The following LRMDA variants were observed in gnomAD, a reference collection of about 807,000 sequenced individuals.
The protein encoded by LRMDA is leucine-rich melanocyte differentiation-associated protein.
LRMDA carries 18 observed loss-of-function variants against 29.8 expected under a neutral mutation model. The ratio of observed to expected loss-of-function variants is 0.60; its 90% CI spans 0.42 to 0.90. The LOEUF (loss-of-function observed/expected upper bound fraction) is 0.90. Among genes scored for constraint, LRMDA ranks in the 40% least tolerant of loss-of-function variants. The probability of loss-of-function intolerance (pLI) is 0.00; values close to 1 mark genes in which losing one functional copy is unlikely to be tolerated. For missense variants in LRMDA, 273 were observed against 273.9 expected (o/e 1.00, Z 0.02); for synonymous variants, 125 against 109.4 (o/e 1.14, Z -0.89).
chr10:76,421,173 G>T (rs1842068360), intron 6 of LRMDA, among the ~76,000 whole-genome samples: 1 of 152,016 alleles, frequency 6.6e-6, no homozygotes, highest in Non-Finnish European at 1.5e-5. Flanking sequence ...GTCCCCTATA[G>T]TTCTGTTGAT....
In LRMDA at chr10:75,968,080, G is replaced by T. The variant is rs868769250; in HGVS notation, c.132-67928G>T. Among the ~76,000 whole-genome samples, 15 of 152,132 alleles carry T rather than the reference G, an allele frequency of 9.9e-5. No individual in the cohort carries two copies. The Middle Eastern group carries it at 0.01, about 103-fold the overall frequency. ...CTAAAAATTTTCTGATGGTGGTGAG[G>T]GAGGGGGCTTGTTGGCTCTGCAGTG... On this transcript the variant is annotated intron_variant, in intron 2 of 6. Coordinates refer to ENST00000611255, the MANE Select transcript of LRMDA (RefSeq NM_001305581.2).
chr10:75,940,752 G>T (rs1846376165), intron 2 of LRMDA, among the ~76,000 whole-genome samples: 2 of 152,006 alleles, frequency 1.3e-5, no homozygotes, highest in South Asian at 2.1e-4. Context: ...ACAGAGAAAA[G>T]CTAGGGAAAT....
intron 2 of LRMDA, among the ~76,000 whole-genome samples, chr10:76,005,004 G>A (rs1847625594): frequency 6.6e-6 from 1 of 152,120 alleles, no homozygotes; most frequent in Admixed American, 6.5e-5. Flanking sequence ...TGGGATTACA[G>A]GTGTGAGCCA....
intron 2 of LRMDA, among the ~76,000 whole-genome samples, chr10:75,569,571 A>T (rs145857861): frequency 7.4e-4 from 113 of 152,352 alleles, no homozygotes; most frequent in African/African-American, 2.6e-3. Context: ...ATTTACAGTG[A>T]TATAAAGACA....
rs557897337 is a variant in LRMDA at position 75,466,586 on chromosome 10, A to G, written c.131+28092A>G. 1.2e-4 allele frequency among the ~76,000 whole-genome samples: 19 copies of G among 152,306 alleles called. 1 individual carries two copies. Among genetic ancestry groups the G allele is most frequent in the Middle Eastern group, 3.4e-3 (1 of 294 alleles). On this transcript the variant is annotated intron_variant, in intron 2 of 6. Coordinates refer to ENST00000611255, the MANE Select transcript of LRMDA (RefSeq NM_001305581.2). The stretch of plus-strand genomic sequence containing the variant: ...CCATCTCGAGCTACCCTGGCCAGCT[A>G]TGCAGCCAGCAGAGATTGATAAAAA...
chr10:75,554,049 G>A (rs1251587632), intron 2 of LRMDA, among the ~76,000 whole-genome samples: 4 of 152,126 alleles, frequency 2.6e-5, no homozygotes, highest in Non-Finnish European at 5.9e-5. Flanking sequence ...AAGAAGAAAT[G>A]CTTTGTGTGT....
At chr10:76,345,782 C>T (rs1421047007) in intron 6 of LRMDA, among the ~76,000 whole-genome samples, 5 of 152,044 alleles carry the variant, frequency 3.3e-5, no homozygotes, top group African/African-American at 1.2e-4. Flanking sequence ...AATAACCTAA[C>T]AATTACACAT....
intron 2 of LRMDA, among the ~76,000 whole-genome samples, chr10:75,527,703 G>A (rs929302481): frequency 2.1e-5 from 3 of 144,932 alleles, no homozygotes; most frequent in Non-Finnish European, 3.0e-5. Flanking sequence ...TATTATAATT[G>A]TTATATAATA....
chr10:76,206,142 C>T (rs1174878031), intron 5 of LRMDA, among the ~76,000 whole-genome samples: 1 of 152,162 alleles, frequency 6.6e-6, no homozygotes, highest in Non-Finnish European at 1.5e-5. Context: ...GGGAGTTTAA[C>T]CTCCAGGAGC....
rs989786986 is a variant in LRMDA, at chr10:76,359,845, A to G, written c.601+35360A>G. ...TTGGATAATAATAGAAAAATTCGTTAAGGCTGGGAGTAGAGCTTTGCTTCA... is the reference window on the plus strand; with the variant it reads ...TTGGATAATAATAGAAAAATTCGTTGAGGCTGGGAGTAGAGCTTTGCTTCA... On this transcript the variant is annotated intron_variant, in intron 6 of 6. Transcript: ENST00000611255. Among the ~76,000 whole-genome samples the G allele has an allele frequency of 5.3e-5, 8 of 152,282 alleles. No homozygotes were observed. The East Asian group carries it at 1.5e-3, about 29-fold the overall frequency.
Position 76,015,218 on chromosome 10 carries a change from A to G in LRMDA, c.132-20790A>G, listed in dbSNP as rs529044598. On this transcript the variant is annotated intron_variant, in intron 2 of 6. Transcript: ENST00000611255. ...CCCCAATTTAGCAGCATATAACAAC[A>G]AACATTATTTATCACACAGCTTCTG... 7.9e-5 allele frequency among the ~76,000 whole-genome samples: 12 copies of G among 152,352 alleles called. No individual in the cohort carries two copies. In the East Asian group the frequency reaches 1.9e-3, roughly 25 times the overall value.
chr10:75,983,399 G>C (rs1388839652), intron 2 of LRMDA, among the ~76,000 whole-genome samples: 2 of 152,176 alleles, frequency 1.3e-5, no homozygotes, highest in African/African-American at 4.8e-5. Flanking sequence ...CTTTGAAGTG[G>C]CTGAGTGTGG....
intron 6 of LRMDA, among the ~76,000 whole-genome samples, chr10:76,554,822 C>T (rs575937953): frequency 4.0e-5 from 6 of 151,776 alleles, no homozygotes; most frequent in South Asian, 4.2e-4. Context: ...CAGTTGAATC[C>T]GTGAATGTAC....
At chr10:75,995,971 T>G (rs1847454208) in intron 2 of LRMDA, among the ~76,000 whole-genome samples, 1 of 152,208 alleles carries the variant, frequency 6.6e-6, no homozygotes, top group Non-Finnish European at 1.5e-5. Context: ...CATAACTGAC[T>G]GACAGACTCA....
rs530545982 is a variant in LRMDA at position 76,487,090 on chromosome 10, C to T, written c.602-70119C>T. Among the ~76,000 whole-genome samples the T allele has an allele frequency of 1.4e-4, 21 of 151,854 alleles. 1 individual carries two copies. In the South Asian group the frequency reaches 3.1e-3, roughly 23 times the overall value. On this transcript the variant is annotated intron_variant, in intron 6 of 6. Transcript: ENST00000611255. Reference sequence around the variant, plus strand: ...TCTTGGGCAGTAACAACATTAAGAACGGTGATGATGAAAGTGTGGTTCATG... The same window carrying T: ...TCTTGGGCAGTAACAACATTAAGAATGGTGATGATGAAAGTGTGGTTCATG...
chr10:76,075,824 G>A (rs866495651), intron 5 of LRMDA, among the ~76,000 whole-genome samples: 86 of 152,272 alleles, frequency 5.6e-4, no homozygotes, highest in African/African-American at 2.0e-3. Context: ...GCCTACTGTG[G>A]TGGTACACTG....
At chr10:75,605,490 A>C (rs1320613433) in intron 2 of LRMDA, among the ~76,000 whole-genome samples, 1 of 152,222 alleles carries the variant, frequency 6.6e-6, no homozygotes, top group Non-Finnish European at 1.5e-5. Context: ...CTTCCCCAGC[A>C]GTCGAAGGAC....
intron 5 of LRMDA, among the ~76,000 whole-genome samples, chr10:76,066,824 G>C (rs1037137199): frequency 6.6e-6 from 1 of 152,196 alleles, no homozygotes; most frequent in African/African-American, 2.4e-5. Context: ...GAGGAACCTT[G>C]GCAGAGTTTG....
intron 3 of LRMDA, among the ~76,000 whole-genome samples, chr10:76,040,104 C>T (rs1334543923): frequency 6.6e-6 from 1 of 152,096 alleles, no homozygotes; most frequent in African/African-American, 2.4e-5. Flanking sequence ...AGTAGTGGGG[C>T]TTAGTCTAGA....
Sources: allele counts gnomAD v4.1 joint callset (sites outside exome capture counted in the v4.1 genomes callset), GRCh38; gene constraint gnomAD v4.1.1; transcripts MANE v1.5; gene names NCBI Gene and HGNC (gene_info 2026-07-23, HGNC 2026-07-21).